The following ABCA9 variants were observed in gnomAD, a reference collection of about 807,000 sequenced individuals.
The protein encoded by ABCA9 is ATP-binding cassette sub-family A member 9.
ABCA9 carries 183 observed loss-of-function variants against 205.3 expected under a neutral mutation model. The observed-to-expected ratio is 0.89, with a 90% confidence interval of 0.79 to 1.01. The LOEUF is 1.01. ABCA9 is among the 50% of genes least tolerant of loss of function. The pLI is 0.00. For synonymous variants in ABCA9, 651 were observed against 683.3 expected, an observed-to-expected ratio of 0.95 and a Z score of 0.74; for missense variants, 1,805 against 1,912.4, an observed-to-expected ratio of 0.94 and a Z score of 1.05.
Position 68,976,174 on chromosome 17 carries a change from G to A in ABCA9, c.4737C>T (p.Asp1579=), listed in dbSNP as rs760200514. The part of the protein sequence containing the change: ...FKLEIVKQSF[D]LEEYSLSQST... ...ACTGTGAGAGGCTGTACTCCTCCAG[G>A]TCGAAACTCTGTTTAACTGCATAAG... The change falls in exon 38 of 39, where the codon GAC becomes GAT. Residue 1579 remains aspartate (D), a synonymous_variant. Transcript: ENST00000340001. The A allele has an allele frequency of 8.7e-6, 14 of 1,613,792 alleles. No homozygotes were observed. In the East Asian group the frequency reaches 3.1e-4, roughly 36 times the overall value.
rs759568314 is a variant in ABCA9 at position 69,049,294 on chromosome 17, G to A, written c.293C>T (p.Pro98Leu). ...ACCAGGGAACATACCTTTTAGGAAT[G>A]GGGCTGAAGCCACTTTGTTCATTAT... ...QEIMNKVASA[P>L]FLKGRTIMGW... Residue 98 changes from proline to leucine, a missense_variant, in exon 3 of 39, where the codon CCA (proline) becomes CTA (leucine). Pro to Leu is a moderately conservative substitution (Grantham distance 98). Transcript: ENST00000340001. 6.2e-7 allele frequency: 1 copy of A among 1,611,354 alleles called. No homozygotes were observed. The highest frequency in any genetic ancestry group is 8.5e-7 in the Non-Finnish European group (1 of 1,178,400).
chr17:69,018,229 A>G (rs1011491121), intron 20 of ABCA9, 184 bp downstream of exon 20: 3 of 521,236 alleles, frequency 5.8e-6, no homozygotes, highest in Non-Finnish European at 9.5e-6. Context: ...AAACTTGCAG[A>G]ATCTATTTCT....
intron 23 of ABCA9, among the ~76,000 whole-genome samples, chr17:69,009,782 T>C (rs920943462): frequency 2.6e-5 from 4 of 152,154 alleles, no homozygotes; most frequent in Non-Finnish European, 5.9e-5. Context: ...AAAGATTCCA[T>C]AAATATTTCA....
intron 1 of ABCA9, among the ~76,000 whole-genome samples, chr17:69,056,552 T>C (rs888295779): frequency 6.6e-6 from 1 of 152,188 alleles, no homozygotes; most frequent in African/African-American, 2.4e-5. Context: ...CACTGGTGGT[T>C]CCCCAGTGAA....
chr17:69,037,633 C>A (rs564030015), intron 6 of ABCA9, among the ~76,000 whole-genome samples: 8 of 152,098 alleles, frequency 5.3e-5, no homozygotes, highest in African/African-American at 1.9e-4. Flanking sequence ...AAAATTGATA[C>A]CCTAACATCA....
rs780668341 is a variant in ABCA9, at chr17:69,045,268, C to T, written c.373G>A (p.Ala125Thr). The T allele has an allele frequency of 1.1e-5, 18 of 1,612,786 alleles. No individual in the cohort carries two copies. Among genetic ancestry groups the T allele is most frequent in the East Asian group, 2.2e-5 (1 of 44,792 alleles). ...DELDLNYSIDAVRVIFTDTFS... is the reference protein window; with the variant it reads ...DELDLNYSIDTVRVIFTDTFS... ...GTATCAGTAAAGATGACTCTCACTG[C>T]GTCTATTGAATAGTTCAAATCCAAT... is the stretch of plus-strand genomic sequence containing the variant. Residue 125 changes from alanine to threonine, a missense_variant, in exon 4 of 39, where the codon GCA (alanine) becomes ACA (threonine). Coordinates refer to ENST00000340001, the MANE Select transcript of ABCA9 (RefSeq NM_080283.4).
At chr17:69,018,195 G>A in intron 20 of ABCA9, 2 of 448,474 alleles carry the variant, frequency 4.5e-6, no homozygotes, top group Non-Finnish European at 7.6e-6. Flanking sequence ...TAGTTGCTTT[G>A]TGCAACAAAC....
chr17:69,055,392 G>A (rs371566880), intron 1 of ABCA9, among the ~76,000 whole-genome samples: 3 of 152,280 alleles, frequency 2.0e-5, no homozygotes, highest in East Asian at 3.9e-4. Context: ...AAACAGAACA[G>A]ACTTTTCATT....
At chr17:68,989,465 T>G (rs1222619140) in intron 30 of ABCA9, among the ~76,000 whole-genome samples, 1 of 152,172 alleles carries the variant, frequency 6.6e-6, no homozygotes, top group Non-Finnish European at 1.5e-5. Context: ...AAATGGGCTG[T>G]TTTGGGGGAA....
the ABCA9 span, among the ~76,000 whole-genome samples, chr17:69,072,389 G>T: frequency 6.6e-6 from 1 of 152,206 alleles, no homozygotes; most frequent in Admixed American, 6.5e-5. Context: ...CAGACTAACA[G>T]TGGATCTCTT....
chr17:68,975,780 A>G lies in ABCA9; in HGVS notation c.*135T>C. Reference sequence around the variant, plus strand: ...ATCGCCTGTTGTCTCACTGTAAGAAATACTACTGAGGATAATTATTGCATG... The same window carrying G: ...ATCGCCTGTTGTCTCACTGTAAGAAGTACTACTGAGGATAATTATTGCATG... On this transcript the variant is annotated 3_prime_UTR_variant, in exon 39 of 39. Coordinates refer to ENST00000340001, the MANE Select transcript of ABCA9 (RefSeq NM_080283.4). 1 of 716,368 alleles carries G rather than the reference A, an allele frequency of 1.4e-6. No homozygotes were observed. The highest frequency in any genetic ancestry group is 2.3e-6 in the Non-Finnish European group (1 of 426,924). The allele number at this position is 716,368 out of a possible 1,614,324, so 44.4% of individuals were successfully genotyped here.
chr17:69,055,578 C>T (rs1355309881), intron 1 of ABCA9, among the ~76,000 whole-genome samples: 1 of 152,098 alleles, frequency 6.6e-6, no homozygotes, highest in East Asian at 1.9e-4. Context: ...GACTTCATCA[C>T]CTCTCTTGGC....
chr17:68,984,848 T>A (rs1472560020), intron 34 of ABCA9, 37 bp downstream of exon 34: 1 of 1,613,754 alleles, frequency 6.2e-7, no homozygotes. Flanking sequence ...ACAGGATCAA[T>A]ACACTCATGC....
Position 68,989,656 on chromosome 17 carries a change from GGTC to G in ABCA9, c.3955+154_3955+156del, listed in dbSNP as rs569382829. Among the ~76,000 whole-genome samples the G allele has an allele frequency of 8.5e-4, 130 of 152,252 alleles. 1 individual carries two copies. The highest frequency in any genetic ancestry group is 1.6e-3 in the Non-Finnish European group (106 of 68,014). Reference sequence around the variant, plus strand: ...CTGTCTTCCTATGTAAAGAAAAAAAGGTCGTTATCATTTCAACTGAGGCTTTTA... The same window carrying G: ...CTGTCTTCCTATGTAAAGAAAAAAAGGTTATCATTTCAACTGAGGCTTTTA... On this transcript the variant is annotated intron_variant, in intron 30 of 38. Transcript: ENST00000340001.
Position 68,983,732 on chromosome 17 carries a change from G to C in ABCA9, c.4617C>G (p.Phe1539Leu), listed in dbSNP as rs1221252998. 1.2e-6 allele frequency: 2 copies of C among 1,614,064 alleles called. No homozygotes were observed. The highest frequency in any genetic ancestry group is 2.7e-5 in the African/African-American group (2 of 74,930). ...EPLHAEILRL[F>L]PQAAQQERFS... is the part of the protein sequence containing the mutation. ...ACCTTTCCTGCTGAGCAGCCTGGGG[G>C]AAAAGCCTCAGGATCTCTGCATGGA... The change falls in exon 36 of 39, where the codon TTC becomes TTG. Residue 1539 changes from phenylalanine to leucine, a missense_variant. Transcript: ENST00000340001.
chr17:69,037,841 A>G (rs2071400890), intron 6 of ABCA9, among the ~76,000 whole-genome samples: 2 of 152,298 alleles, frequency 1.3e-5, no homozygotes, highest in Non-Finnish European at 2.9e-5. Flanking sequence ...AAAGAAGAAA[A>G]GAGAGAAGAA....
chr17:69,064,487 TGCAAG>T (rs143774626), upstream of ABCA9, among the ~76,000 whole-genome samples: 38 of 152,322 alleles, frequency 2.5e-4, 1 homozygote, highest in East Asian at 6.6e-3. Flanking sequence ...CTAATTGCAA[TGCAAG>T]GCAAGTAACT....
chr17:69,027,172 A>AT lies in ABCA9; in HGVS notation c.1912-59_1912-58insA, dbSNP rs1257206600. The AT allele has an allele frequency of 5.0e-6, 8 of 1,597,112 alleles. No homozygotes were observed. In the Admixed American group the frequency reaches 8.9e-5, roughly 18 times the overall value. On this transcript the variant is annotated intron_variant, in intron 14 of 38. Transcript: ENST00000340001. ...CCCTTTCGGATAAGATCCTTTTAAA[A>AT]AGCACTGTACTTTTAAAAGTATTTG...
upstream of ABCA9, among the ~76,000 whole-genome samples, chr17:69,065,277 T>C (rs2072335249): frequency 6.6e-6 from 1 of 152,242 alleles, no homozygotes; most frequent in South Asian, 2.1e-4. Context: ...CTCTCTATTC[T>C]TTTCTCTTGG....
Sources: allele counts gnomAD v4.1 joint callset (sites outside exome capture counted in the v4.1 genomes callset), GRCh38; gene constraint gnomAD v4.1.1; transcripts MANE v1.5; gene names NCBI Gene and HGNC (gene_info 2026-07-23, HGNC 2026-07-21).